Variants in OTUB1 observed in about 807,000 individuals in gnomAD.
OTUB1 encodes the protein ubiquitin thioesterase OTUB1.
OTUB1 carries 10 observed loss-of-function variants against 35.8 expected under a neutral mutation model. The ratio of observed to expected loss-of-function variants is 0.28; its 90% confidence interval spans 0.17 to 0.47. The LOEUF is 0.47. Ranked by LOEUF, OTUB1 falls within the 20% of genes least tolerant of loss-of-function variation. The probability of loss-of-function intolerance (pLI) is 0.99; values close to 1 mark genes in which losing one functional copy is unlikely to be tolerated. For missense variants in OTUB1, 264 were observed against 351.6 expected (o/e 0.75, Z 1.99); for synonymous variants, 158 against 143.8 (o/e 1.10, Z -0.71).
intron 3 of OTUB1, among the ~76,000 whole-genome samples, chr11:63,994,445 G>T (rs1325958508): frequency 6.6e-6 from 1 of 152,180 alleles, no homozygotes; most frequent in African/African-American, 2.4e-5. Flanking sequence ...TAGAGACGGG[G>T]TTTCACCATG....
chr11:63,988,862 G>A, intron 3 of OTUB1, 110 bp downstream of exon 3: 1 of 709,510 alleles, frequency 1.4e-6, no homozygotes, highest in East Asian at 2.5e-5. Context: ...TAGGGTGTTG[G>A]AGGACACTTT....
At position 63,997,275 on chromosome 11, in the gene OTUB1, G is replaced by A. The variant is rs377461592; in HGVS notation, c.618+31G>A. ...GTCCCCCTCCCCTTTACTCTCGGCC[G>A]GGGGAGTGCAGTGGGCCCACAGGGC... On this transcript the variant is annotated intron_variant, in intron 6 of 6. Coordinates refer to ENST00000538426, the MANE Select transcript of OTUB1 (RefSeq NM_017670.3). 379 of 1,610,808 alleles carry A rather than the reference G, an allele frequency of 2.4e-4. 6 individuals carry two copies. In the South Asian group the frequency reaches 3.6e-3, roughly 15 times the overall value.
At chr11:63,993,153 A>G (rs1323281754) in intron 3 of OTUB1, among the ~76,000 whole-genome samples, 1 of 152,196 alleles carries the variant, frequency 6.6e-6, no homozygotes, top group African/African-American at 2.4e-5. Flanking sequence ...AGGGATGGAT[A>G]TGGTGATGGA....
chr11:63,997,549 C>A lies in OTUB1; in HGVS notation c.*3C>A. Reference sequence around the variant, plus strand: ...ACTACGATATCCTCTACAAATAGGGCTGGCTCCAGCCCGCTGCTGCCCTGC... The same window carrying A: ...ACTACGATATCCTCTACAAATAGGGATGGCTCCAGCCCGCTGCTGCCCTGC... On this transcript the variant is annotated 3_prime_UTR_variant, in exon 7 of 7. Coordinates refer to ENST00000538426, the MANE Select transcript of OTUB1 (RefSeq NM_017670.3). The A allele has an allele frequency of 6.2e-7, 1 of 1,612,416 alleles. No individual in the cohort carries two copies. The highest frequency in any genetic ancestry group is 8.5e-7 in the Non-Finnish European group (1 of 1,178,822).
At chr11:63,989,074 C>T (rs936153927) in intron 3 of OTUB1, 3 of 222,830 alleles carry the variant, frequency 1.3e-5, no homozygotes, top group Non-Finnish European at 2.7e-5. Context: ...AATCCCAGCG[C>T]TTTGGGAGGC....
Position 63,988,385 on chromosome 11 carries a change from G to T in OTUB1, c.107G>T (p.Arg36Leu). ...GAAGCCATCATGGCTCAGCAGGACC[G>T]AATTCAGCAAGAGGTGAGGGGCTGC... is the stretch of plus-strand genomic sequence containing the variant. ...YDEAIMAQQD[R>L]IQQEIAVQNP... Residue 36 changes from arginine (R) to leucine (L), a missense_variant, in exon 2 of 7, where the codon CGA becomes CTA. Arg to Leu is a moderately radical substitution (Grantham distance 102). This residue lies in a region of OTUB1 where 214 missense variants were observed against 317.1 expected (regional missense o/e 0.67). Transcript: ENST00000538426. 1 of 1,553,908 alleles carries T rather than the reference G, an allele frequency of 6.4e-7. No homozygotes were observed. Among genetic ancestry groups the T allele is most frequent in the South Asian group, 1.2e-5 (1 of 84,334 alleles).
rs1024685094 is a variant in OTUB1 at position 63,997,956 on chromosome 11, C to T, written c.*410C>T. The stretch of plus-strand genomic sequence containing the variant: ...GACTTGCCCAGGGTCCCAGGGCCAC[C>T]CACACTTCATCTGCTCCCTCATAGG... On this transcript the variant is annotated 3_prime_UTR_variant, in exon 7 of 7. Coordinates refer to ENST00000538426, the MANE Select transcript of OTUB1 (RefSeq NM_017670.3). 11 of 592,346 alleles carry T rather than the reference C, an allele frequency of 1.9e-5. No homozygotes were observed. Among genetic ancestry groups the T allele is most frequent in the Non-Finnish European group, 3.0e-5 (10 of 332,738 alleles). The allele number at this position is 592,346 out of a possible 1,614,324, so 36.7% of individuals were successfully genotyped here.
chr11:63,988,218 C>A, intron 1 of OTUB1, 119 bp from the exon 2 acceptor site: 2 of 750,472 alleles, frequency 2.7e-6, no homozygotes, highest in Non-Finnish European at 4.4e-6. Context: ...TGTAACATAC[C>A]TGCTTCCAGA....
In OTUB1 at chr11:63,997,628, A is replaced by G; in HGVS notation, c.*82A>G. 3 of 1,221,732 alleles carry G rather than the reference A, an allele frequency of 2.5e-6. No homozygotes were observed. Among genetic ancestry groups the G allele is most frequent in the Non-Finnish European group, 3.6e-6 (3 of 832,346 alleles). The allele number at this position is 1,221,732 out of a possible 1,614,324, so 75.7% of individuals were successfully genotyped here. A position where few individuals can be genotyped will look rare whatever the true frequency, so the allele number is the denominator to read the frequency against. ...TACAGAGGTTTTTCTGTGGTTGTAA[A>G]TGGTCCTATTTCACCCCCTTCTTCC... On this transcript the variant is annotated 3_prime_UTR_variant, in exon 7 of 7. Coordinates refer to ENST00000538426, the MANE Select transcript of OTUB1 (RefSeq NM_017670.3).
At chr11:63,990,597 A>AAAAAAAAAAAAAAAAT (rs368773572) in intron 3 of OTUB1, 4 of 144,888 alleles carry the variant, frequency 2.8e-5, no homozygotes, top group African/African-American at 8.0e-5. Context: ...AAAAAATAAA[A>AAAAAAAAAAAAAAAAT]AAATAAATAA....
chr11:63,986,449 GT>G lies in OTUB1; in HGVS notation c.-5del. On this transcript the variant is annotated 5_prime_UTR_variant, in exon 1 of 7. Coordinates refer to ENST00000538426, the MANE Select transcript of OTUB1 (RefSeq NM_017670.3). ...CGGAAGCGGTCGGTAGTGCGGCGCT[GT>G]TTAAAGATGGCGGCGGAGGAACCTC... 1 of 1,553,914 alleles carries G rather than the reference GT, an allele frequency of 6.4e-7. No individual in the cohort carries two copies. The highest frequency in any genetic ancestry group is 8.7e-7 in the Non-Finnish European group (1 of 1,148,720).
chr11:63,997,624 G>C lies in OTUB1; in HGVS notation c.*78G>C. 4 of 1,260,772 alleles carry C rather than the reference G, an allele frequency of 3.2e-6. No homozygotes were observed. The highest frequency in any genetic ancestry group is 4.6e-6 in the Non-Finnish European group (4 of 866,400). 78.1% of individuals were successfully genotyped at this position (1,260,772 alleles called of 1,614,324 possible). On this transcript the variant is annotated 3_prime_UTR_variant, in exon 7 of 7. Coordinates refer to ENST00000538426, the MANE Select transcript of OTUB1 (RefSeq NM_017670.3). The stretch of plus-strand genomic sequence containing the variant: ...CATGTACAGAGGTTTTTCTGTGGTT[G>C]TAAATGGTCCTATTTCACCCCCTTC...
rs74732946 is a variant in OTUB1 at position 63,987,488 on chromosome 11, G to A, written c.59-849G>A. ...CAGCTGGCTGATAATCCTAGAGCAC[G>A]TACTGGTATGCCTCTAAGAAAGGCG... is the stretch of plus-strand genomic sequence containing the variant. On this transcript the variant is annotated intron_variant, in intron 1 of 6. Transcript: ENST00000538426. 2.3e-3 allele frequency among the ~76,000 whole-genome samples: 345 copies of A among 152,284 alleles called. 2 individuals carry two copies. Among genetic ancestry groups the A allele is most frequent in the African/African-American group, 8.1e-3 (338 of 41,548 alleles).
At position 63,997,986 on chromosome 11, in the gene OTUB1, A is replaced by C; in HGVS notation, c.*440A>C. On this transcript the variant is annotated 3_prime_UTR_variant, in exon 7 of 7. Coordinates refer to ENST00000538426, the MANE Select transcript of OTUB1 (RefSeq NM_017670.3). ...CTTCATCTGCTCCCTCATAGGCCCC[A>C]CCTCCACGTCCCGGCTGGGCCCCAG... 2 of 553,696 alleles carry C rather than the reference A, an allele frequency of 3.6e-6. No homozygotes were observed. Among genetic ancestry groups the C allele is most frequent in the African/African-American group, 1.9e-5 (1 of 52,842 alleles). 34.3% of individuals were successfully genotyped at this position (553,696 alleles called of 1,614,324 possible).
Position 63,997,603 on chromosome 11 carries a change from TAC to T in OTUB1, c.*59_*60del. ...CCCCCTCTGCCAGGCGCTAGACATGTACAGAGGTTTTTCTGTGGTTGTAAATG... is the reference window on the plus strand; with the variant it reads ...CCCCCTCTGCCAGGCGCTAGACATGTAGAGGTTTTTCTGTGGTTGTAAATG... On this transcript the variant is annotated 3_prime_UTR_variant, in exon 7 of 7. Transcript: ENST00000538426. 19 of 1,477,204 alleles carry T rather than the reference TAC, an allele frequency of 1.3e-5. No homozygotes were observed. The highest frequency in any genetic ancestry group is 1.8e-5 in the Non-Finnish European group (19 of 1,058,714). The allele number at this position is 1,477,204 out of a possible 1,614,324, so 91.5% of individuals were successfully genotyped here. A position where few individuals can be genotyped will look rare whatever the true frequency, so the allele number is the denominator to read the frequency against.
At position 63,997,743 on chromosome 11, in the gene OTUB1, C is replaced by T. The variant is rs1237633303; in HGVS notation, c.*197C>T. 2 of 703,376 alleles carry T rather than the reference C, an allele frequency of 2.8e-6. No homozygotes were observed. The highest frequency in any genetic ancestry group is 5.2e-6 in the Non-Finnish European group (2 of 386,784). 43.6% of individuals were successfully genotyped at this position (703,376 alleles called of 1,614,324 possible). A position where few individuals can be genotyped will look rare whatever the true frequency, so the allele number is the denominator to read the frequency against. The stretch of plus-strand genomic sequence containing the variant: ...CCCTGCTCTGCTGCCCGCCTGGCTG[C>T]TCTGTCTGCTGCCCCCTCCCCCCAG... On this transcript the variant is annotated 3_prime_UTR_variant, in exon 7 of 7. Transcript: ENST00000538426.
intron 5 of OTUB1, 40 bp downstream of exon 5, chr11:63,996,981 G>C (rs370557462): frequency 6.2e-7 from 1 of 1,613,126 alleles, no homozygotes; most frequent in Admixed American, 1.7e-5. Context: ...CCATGGGGGA[G>C]GGGTTCACCT....
At position 63,997,548 on chromosome 11, in the gene OTUB1, G is replaced by A; in HGVS notation, c.*2G>A. 6.2e-7 allele frequency: 1 copy of A among 1,612,578 alleles called. No homozygotes were observed. Among genetic ancestry groups the A allele is most frequent in the Non-Finnish European group, 8.5e-7 (1 of 1,178,972 alleles). ...CACTACGATATCCTCTACAAATAGG[G>A]CTGGCTCCAGCCCGCTGCTGCCCTG... On this transcript the variant is annotated 3_prime_UTR_variant, in exon 7 of 7. Transcript: ENST00000538426.
At position 63,994,900 on chromosome 11, in the gene OTUB1, A is replaced by C. The variant is rs563160367; in HGVS notation, c.220-1630A>C. Among the ~76,000 whole-genome samples, 185 of 152,346 alleles carry C rather than the reference A, an allele frequency of 1.2e-3. 2 individuals are homozygous for C. The highest frequency in any genetic ancestry group is 3.5e-3 in the African/African-American group (145 of 41,576). On this transcript the variant is annotated intron_variant, in intron 3 of 6. Transcript: ENST00000538426. ...GTTTTGCTGTAAAGAAAGCAGAGAAATTGAAGGGTAGCCAGACAGAAACGT... is the reference window on the plus strand; with the variant it reads ...GTTTTGCTGTAAAGAAAGCAGAGAACTTGAAGGGTAGCCAGACAGAAACGT...
Sources: gnomAD v4.1 joint callset for allele counts (sites outside exome capture counted in the v4.1 genomes callset) on GRCh38, gnomAD v4.1.1 for gene constraint, gnomAD v4.1.1 regional missense constraint, MANE v1.5 for transcripts, NCBI Gene and HGNC (gene_info 2026-07-23, HGNC 2026-07-21) for gene names.